NELL1: variants seen among roughly 807,000 people sequenced by gnomAD.
NELL1 encodes protein kinase C-binding protein NELL1.
In NELL1, 76 loss-of-function variants were observed where a neutral mutation model predicts 107.4. That is an observed-to-expected ratio of 0.71 (90% CI 0.59 to 0.86). The LOEUF is 0.86. Among genes scored for constraint, NELL1 ranks in the 40% least tolerant of loss-of-function variants. NELL1 has a pLI of 0.00. For missense variants in NELL1, 1,024 were observed against 1,005.5 expected (o/e 1.02, Z -0.25); for synonymous variants, 353 against 341.2 (o/e 1.03, Z -0.38).
At chr11:20,780,930 A>C (rs1314617759) in intron 2 of NELL1, among the ~76,000 whole-genome samples, 1 of 152,240 alleles carries the variant, frequency 6.6e-6, no homozygotes. Context: ...CTTTGCAGGC[A>C]TGCTGAAGGG....
chr11:21,115,947 C>T (rs1005713867), intron 13 of NELL1, among the ~76,000 whole-genome samples: 2 of 151,742 alleles, frequency 1.3e-5, no homozygotes, highest in Non-Finnish European at 2.9e-5. Context: ...TTCCTTTGAT[C>T]CCAGATTTCT....
intron 2 of NELL1, among the ~76,000 whole-genome samples, chr11:20,730,873 A>G (rs779808078): frequency 3.3e-5 from 5 of 152,198 alleles, no homozygotes; most frequent in Non-Finnish European, 7.4e-5. Context: ...GAACTTCCTA[A>G]CTTCAAAGTG....
At chr11:21,349,027 T>A (rs1052753765) in intron 14 of NELL1, among the ~76,000 whole-genome samples, 1 of 152,142 alleles carries the variant, frequency 6.6e-6, no homozygotes, top group Admixed American at 6.6e-5. Flanking sequence ...GGAAATCAGG[T>A]GTGTCTGAAC....
chr11:21,015,800 C>G (rs1286485272), intron 12 of NELL1, among the ~76,000 whole-genome samples: 1 of 152,060 alleles, frequency 6.6e-6, no homozygotes, highest in African/African-American at 2.4e-5. Flanking sequence ...ATGCCATTGC[C>G]CCTCATAAGC....
At chr11:20,814,026 T>G (rs924062400) in intron 3 of NELL1, among the ~76,000 whole-genome samples, 3 of 151,910 alleles carry the variant, frequency 2.0e-5, no homozygotes, top group Non-Finnish European at 4.4e-5. Flanking sequence ...GATGGAGTCT[T>G]GCTCTGCCAC....
At chr11:21,346,939 C>A in intron 14 of NELL1, among the ~76,000 whole-genome samples, 1 of 152,110 alleles carries the variant, frequency 6.6e-6, no homozygotes, top group Non-Finnish European at 1.5e-5. Flanking sequence ...ATAATAATAA[C>A]CAAATGTTAA....
intron 2 of NELL1, among the ~76,000 whole-genome samples, chr11:20,680,075 C>A (rs80294337): frequency 0.035 from 5,389 of 152,158 alleles, 327 homozygotes; most frequent in African/African-American, 0.12. Context: ...GGAACTTTGA[C>A]AGAGAAGGCC....
At chr11:21,370,698 T>G (rs936696437) in intron 14 of NELL1, among the ~76,000 whole-genome samples, 155 bp from the exon 15 acceptor site, 4 of 152,172 alleles carry the variant, frequency 2.6e-5, no homozygotes, top group Admixed American at 2.6e-4. Flanking sequence ...TATTATTACA[T>G]TTATTTCTTT....
chr11:20,889,670 A>G (rs1467474114), intron 5 of NELL1, among the ~76,000 whole-genome samples: 1 of 152,214 alleles, frequency 6.6e-6, no homozygotes, highest in Non-Finnish European at 1.5e-5. Context: ...CCATCAACCA[A>G]AATATCCGGG....
At chr11:21,488,675 T>C (rs1231736604) in intron 15 of NELL1, among the ~76,000 whole-genome samples, 1 of 152,098 alleles carries the variant, frequency 6.6e-6, no homozygotes, top group Non-Finnish European at 1.5e-5. Context: ...AAACAACGTA[T>C]TCCTAAACAA....
intron 3 of NELL1, among the ~76,000 whole-genome samples, chr11:20,785,946 T>C (rs1050290709): frequency 1.3e-5 from 2 of 152,206 alleles, no homozygotes; most frequent in African/African-American, 4.8e-5. Flanking sequence ...GGCTGTCTTT[T>C]ATATCCCTAG....
intron 12 of NELL1, among the ~76,000 whole-genome samples, chr11:20,999,721 CA>C (rs5790153): frequency 1.2e-3 from 172 of 138,048 alleles, no homozygotes; most frequent in Admixed American, 1.6e-3. Context: ...GGTACCCTTG[CA>C]AAAAAAAAAA....
chr11:21,131,815 T>G (rs1855624748), intron 13 of NELL1, among the ~76,000 whole-genome samples: 1 of 152,212 alleles, frequency 6.6e-6, no homozygotes, highest in Admixed American at 6.5e-5. Flanking sequence ...GTGTTTGTTT[T>G]GCTGAATATT....
chr11:21,480,481 A>G (rs568875410), intron 15 of NELL1, among the ~76,000 whole-genome samples: 1 of 152,312 alleles, frequency 6.6e-6, no homozygotes, highest in Non-Finnish European at 1.5e-5. Flanking sequence ...AAGTGAAGCT[A>G]TTAGGCTGTT....
chr11:20,787,458 A>G (rs1259005094), intron 3 of NELL1, among the ~76,000 whole-genome samples: 2 of 152,252 alleles, frequency 1.3e-5, no homozygotes, highest in African/African-American at 4.8e-5. Context: ...ATTTACCAGG[A>G]TAAAAGTATC....
intron 15 of NELL1, among the ~76,000 whole-genome samples, chr11:21,400,255 A>G (rs776458848): frequency 2.6e-5 from 4 of 151,770 alleles, no homozygotes; most frequent in Non-Finnish European, 4.4e-5. Flanking sequence ...TTTCTTATCA[A>G]TTCATTCTAG....
intron 12 of NELL1, among the ~76,000 whole-genome samples, chr11:20,974,254 A>G (rs1197487996): frequency 6.6e-6 from 1 of 152,182 alleles, no homozygotes; most frequent in Non-Finnish European, 1.5e-5. Flanking sequence ...TTTTCTTGCT[A>G]AAAAAGGAAA....
Position 21,460,637 on chromosome 11 carries a change from T to A in NELL1, c.1646-73737T>A, listed in dbSNP as rs1222358281. Among the ~76,000 whole-genome samples, 6 of 152,248 alleles carry A rather than the reference T, an allele frequency of 3.9e-5. No individual in the cohort carries two copies. The East Asian group carries it at 1.2e-3, about 29-fold the overall frequency. On this transcript the variant is annotated intron_variant, in intron 15 of 19. Transcript: ENST00000357134. ...ATTGATTTTAAGAATAAACTGGGGA[T>A]AAATTTGGCTATTTTCTCCAATTCT... is the stretch of plus-strand genomic sequence containing the variant.
At chr11:21,436,337 A>G (rs1447166962) in intron 15 of NELL1, among the ~76,000 whole-genome samples, 1 of 152,082 alleles carries the variant, frequency 6.6e-6, no homozygotes, top group African/African-American at 2.4e-5. Context: ...ACAGGCATGA[A>G]CCACTGTGCT....
Sources: gnomAD v4.1 joint callset for allele counts (sites outside exome capture counted in the v4.1 genomes callset) on GRCh38, gnomAD v4.1.1 for gene constraint, MANE v1.5 for transcripts, NCBI Gene and HGNC (gene_info 2026-07-23, HGNC 2026-07-21) for gene names.